COL21A1: variants seen among roughly 807,000 people sequenced by gnomAD.
The protein encoded by COL21A1 is collagen type XXI alpha 1 chain.
A neutral mutation model predicts 137.9 loss-of-function variants in COL21A1; 149 were observed. That is an observed-to-expected ratio of 1.08 (90% confidence interval 0.95 to 1.24). The LOEUF is 1.24. Ranked by LOEUF, COL21A1 falls within the 50% of genes most tolerant of loss-of-function variation. The pLI is 0.00. For synonymous variants in COL21A1, 456 were observed against 391.5 expected, an observed-to-expected ratio of 1.16 and a Z score of -1.95; for missense variants, 1,167 against 1,158.4, an observed-to-expected ratio of 1.01 and a Z score of -0.11.
rs771488206 is a variant in COL21A1, at chr6:56,067,297, G to A, written c.2125C>T (p.Gln709Ter). 2 of 1,608,034 alleles carry A rather than the reference G, an allele frequency of 1.2e-6. No individual in the cohort carries two copies. The highest frequency in any genetic ancestry group is 4.5e-5 in the East Asian group (2 of 44,662). ...DKGNQGEKGIQGQKGENGRQG... is the reference protein window; with the variant it reads ...DKGNQGEKGI ...CTAAAAAAAAGCAAACAACATACCT[G>A]AATACCTTTTTCACCTTGATTTCCT... Residue 709 changes from glutamine (Q) to a stop codon, truncating the protein, a stop_gained and splice_region_variant, in exon 23 of 30, where the codon CAG (glutamine) becomes TAG (stop). Transcript: ENST00000244728. LOFTEE classifies it high-confidence loss of function.
At position 56,069,066 on chromosome 6, in the gene COL21A1, G is replaced by A. The variant is rs768012041; in HGVS notation, c.2071C>T (p.Pro691Ser). 11 of 1,600,292 alleles carry A rather than the reference G, an allele frequency of 6.9e-6. No individual in the cohort carries two copies. The highest frequency in any genetic ancestry group is 8.5e-6 in the Non-Finnish European group (10 of 1,173,274). The change falls in exon 22 of 30, where the codon CCC becomes TCC. Residue 691 changes from proline (P) to serine (S), a missense_variant. Pro to Ser is a moderately conservative substitution (Grantham distance 74). Coordinates refer to ENST00000244728, the MANE Select transcript of COL21A1 (RefSeq NM_030820.4). ...CATACCTTTTTTCCTTGAATCCCGG[G>A]TAAACCCATGTATCCTGGTTCTCCT... Reference protein sequence around the residue: ...SPGEPGYMGLPGIQGKKGDKG... With the variant: ...SPGEPGYMGLSGIQGKKGDKG...
chr6:56,381,917 C>T (rs1349510793), intron 1 of COL21A1, among the ~76,000 whole-genome samples: 1 of 152,172 alleles, frequency 6.6e-6, no homozygotes, highest in African/African-American at 2.4e-5. Context: ...TGCACAATGC[C>T]ACCACGCAAA....
At chr6:56,164,126 G>GGAA (rs1180902325) in intron 9 of COL21A1, among the ~76,000 whole-genome samples, 2 of 152,130 alleles carry the variant, frequency 1.3e-5, no homozygotes, top group African/African-American at 4.8e-5. Flanking sequence ...CAGATTGTAA[G>GGAA]GAAGTATTGT....
At chr6:56,100,040 G>A (rs1015468806) in intron 17 of COL21A1, among the ~76,000 whole-genome samples, 9 of 152,140 alleles carry the variant, frequency 5.9e-5, no homozygotes, top group African/African-American at 2.2e-4. Flanking sequence ...AAATGAATAA[G>A]GTTTACTTTT....
At chr6:56,164,322 T>C (rs1776406104) in intron 9 of COL21A1, 101 bp downstream of exon 9, 1 of 791,534 alleles carries the variant, frequency 1.3e-6, no homozygotes, top group East Asian at 2.7e-5. Context: ...AGAAATCAGA[T>C]AGAAATTTCT....
At chr6:56,311,579 A>C (rs1461194623) in intron 1 of COL21A1, among the ~76,000 whole-genome samples, 1 of 152,334 alleles carries the variant, frequency 6.6e-6, no homozygotes, top group Non-Finnish European at 1.5e-5. Context: ...ACTTTTGAAG[A>C]GAACTGCTAC....
intron 20 of COL21A1, 26 bp from the exon 21 acceptor site, chr6:56,070,824 G>T: frequency 6.4e-7 from 1 of 1,561,680 alleles, no homozygotes; most frequent in Non-Finnish European, 8.7e-7. Context: ...AAACATTGGA[G>T]TTTTTTAAAA....
intron 1 of COL21A1, among the ~76,000 whole-genome samples, chr6:56,270,449 A>G (rs944500424): frequency 5.9e-5 from 9 of 152,220 alleles, no homozygotes; most frequent in African/African-American, 2.2e-4. Flanking sequence ...AAAGGCTTAG[A>G]CAGCCATACA....
chr6:56,221,536 G>A lies in COL21A1; in HGVS notation c.-39+25851C>T, dbSNP rs371249940. 7.9e-5 allele frequency among the ~76,000 whole-genome samples: 12 copies of A among 151,972 alleles called. No individual in the cohort carries two copies. The East Asian group carries it at 1.4e-3, about 17-fold the overall frequency. On this transcript the variant is annotated intron_variant, in intron 1 of 29. Transcript: ENST00000244728. Reference sequence around the variant, plus strand: ...CTACAAGTTTTAAAACAGTCTGGACGACATGGCAAGACCCTGCCTCTATAA... The same window carrying A: ...CTACAAGTTTTAAAACAGTCTGGACAACATGGCAAGACCCTGCCTCTATAA...
chr6:56,244,645 G>A (rs1217021671), intron 1 of COL21A1, among the ~76,000 whole-genome samples: 1 of 152,154 alleles, frequency 6.6e-6, no homozygotes, highest in Non-Finnish European at 1.5e-5. Flanking sequence ...GTGCTTAGAT[G>A]CCGGAACTTG....
chr6:56,306,354 A>G (rs1033260316), intron 1 of COL21A1, among the ~76,000 whole-genome samples: 29 of 151,698 alleles, frequency 1.9e-4, no homozygotes, highest in Non-Finnish European at 3.1e-4. Flanking sequence ...TCTCCCCGTC[A>G]CTTTCAGGTA....
At chr6:56,182,479 T>A in intron 2 of COL21A1, 52 bp downstream of exon 2, 1 of 1,227,776 alleles carries the variant, frequency 8.1e-7, no homozygotes. Flanking sequence ...CCTAGTTTAA[T>A]TTCCAGATTA....
chr6:56,183,960 T>C (rs1778092190), intron 1 of COL21A1, among the ~76,000 whole-genome samples: 1 of 152,128 alleles, frequency 6.6e-6, no homozygotes, highest in African/African-American at 2.4e-5. Context: ...ATAAGTAAAC[T>C]TGAGGATAAG....
chr6:56,084,956 A>G (rs936486375), intron 17 of COL21A1, among the ~76,000 whole-genome samples: 3 of 152,038 alleles, frequency 2.0e-5, no homozygotes, highest in Non-Finnish European at 4.4e-5. Context: ...TAATTTTCAC[A>G]TATTGCTAAG....
At chr6:56,173,878 G>C (rs1224841290) in intron 3 of COL21A1, among the ~76,000 whole-genome samples, 5 of 152,088 alleles carry the variant, frequency 3.3e-5, no homozygotes, top group Non-Finnish European at 7.4e-5. Flanking sequence ...CCACCAAACA[G>C]CAGCAGAATA....
intron 1 of COL21A1, among the ~76,000 whole-genome samples, chr6:56,244,499 C>G (rs1433892073): frequency 6.6e-6 from 1 of 152,012 alleles, no homozygotes; most frequent in Non-Finnish European, 1.5e-5. Flanking sequence ...AATAGAAAAC[C>G]CTATTTATAA....
At chr6:56,282,784 G>T (rs76273599) in intron 1 of COL21A1, among the ~76,000 whole-genome samples, 2,476 of 152,296 alleles carry the variant, frequency 0.016, 65 homozygotes, top group African/African-American at 0.056. Context: ...CTGGATGATA[G>T]ATTTGTCCCC....
At chr6:56,375,524 T>A (rs2093997427) in intron 1 of COL21A1, among the ~76,000 whole-genome samples, 1 of 152,132 alleles carries the variant, frequency 6.6e-6, no homozygotes, top group Non-Finnish European at 1.5e-5. Context: ...CCTCCCCTTC[T>A]TCTTGCCCTG....
At chr6:56,260,729 CAGGAAGGA>C (rs1274134210) in intron 1 of COL21A1, among the ~76,000 whole-genome samples, 1 of 144,454 alleles carries the variant, frequency 6.9e-6, no homozygotes, top group Non-Finnish European at 1.5e-5. Flanking sequence ...GGGAGGCAGG[CAGGAAGGA>C]AGGAAGGAAG....
Sources: allele counts gnomAD v4.1 joint callset (sites outside exome capture counted in the v4.1 genomes callset), GRCh38; gene constraint gnomAD v4.1.1; transcripts MANE v1.5; gene names NCBI Gene and HGNC (gene_info 2026-07-23, HGNC 2026-07-21).